The following MAP7 variants were observed in gnomAD, a reference collection of about 807,000 sequenced individuals.
The protein encoded by MAP7 is ensconsin.
MAP7 carries 52 observed loss-of-function variants against 94.8 expected under a neutral mutation model. The ratio of observed to expected loss-of-function variants is 0.55; its 90% confidence interval spans 0.44 to 0.69. MAP7 has a LOEUF of 0.69. Ranked by LOEUF, MAP7 falls within the 30% of genes least tolerant of loss-of-function variation. The probability of loss-of-function intolerance (pLI) is 0.00; values close to 1 mark genes in which losing one functional copy is unlikely to be tolerated. For synonymous variants in MAP7, 350 were observed against 357.0 expected, an observed-to-expected ratio of 0.98 and a Z score of 0.22; for missense variants, 940 against 964.6, an observed-to-expected ratio of 0.97 and a Z score of 0.34.
intron 1 of MAP7, among the ~76,000 whole-genome samples, chr6:136,456,744 A>AAGAAGGAAGAGGAGAAGGAGGAGGAGG (rs1803020781): frequency 1.5e-5 from 1 of 67,354 alleles, no homozygotes; most frequent in African/African-American, 6.4e-5. Context: ...GGAAGAGGAG[A>AAGAAGGAAGAGGAGAAGGAGGAGGAGG]AGGAGGAGGA....
chr6:136,402,244 T>C (rs1205225533), intron 3 of MAP7, among the ~76,000 whole-genome samples: 1 of 152,252 alleles, frequency 6.6e-6, no homozygotes, highest in Non-Finnish European at 1.5e-5. Context: ...TCTGCTTTTA[T>C]GTGTTTGTGA....
chr6:136,346,836 C>T (rs553394464), intron 16 of MAP7, among the ~76,000 whole-genome samples: 1 of 152,228 alleles, frequency 6.6e-6, no homozygotes, highest in Non-Finnish European at 1.5e-5. Flanking sequence ...ATAGTTGAGG[C>T]TAAATGCACG....
intron 11 of MAP7, 67 bp from the exon 12 acceptor site, chr6:136,361,246 C>T (rs1218979176): frequency 3.2e-6 from 5 of 1,551,640 alleles, no homozygotes; most frequent in Non-Finnish European, 3.5e-6. Flanking sequence ...GAGAGGCCTC[C>T]GTCGGTGGTT....
At chr6:136,408,218 G>A (rs1178715359) in intron 3 of MAP7, among the ~76,000 whole-genome samples, 2 of 152,136 alleles carry the variant, frequency 1.3e-5, no homozygotes, top group African/African-American at 2.4e-5. Flanking sequence ...ACTTTTCTAC[G>A]TATAAAGCGT....
chr6:136,470,747 CGT>C (rs1214211747), intron 1 of MAP7, among the ~76,000 whole-genome samples: 2 of 151,468 alleles, frequency 1.3e-5, no homozygotes, highest in Admixed American at 6.6e-5. Flanking sequence ...TGTGCGTTTT[CGT>C]GTGTGTGTGA....
intron 1 of MAP7, among the ~76,000 whole-genome samples, chr6:136,495,794 A>G (rs141047148): frequency 3.2e-4 from 49 of 152,326 alleles, no homozygotes; most frequent in Admixed American, 5.9e-4. Flanking sequence ...AGATTTTGCT[A>G]GGGAAATAAC....
chr6:136,421,195 A>G (rs1582864499), intron 2 of MAP7, among the ~76,000 whole-genome samples: 1 of 152,378 alleles, frequency 6.6e-6, no homozygotes, highest in South Asian at 2.1e-4. Flanking sequence ...GTAGGCATAT[A>G]ATCATTGCAA....
intron 3 of MAP7, among the ~76,000 whole-genome samples, chr6:136,393,542 A>T (rs1296463444): frequency 6.6e-6 from 1 of 152,166 alleles, no homozygotes; most frequent in East Asian, 1.9e-4. Flanking sequence ...CTGTACTCTA[A>T]GGTCTTCCAC....
chr6:136,431,563 G>C (rs1035031750), intron 1 of MAP7, among the ~76,000 whole-genome samples: 8 of 151,450 alleles, frequency 5.3e-5, no homozygotes, highest in Middle Eastern at 6.8e-3. Context: ...TGTCACCCAG[G>C]CTGGAGTGCA....
intron 16 of MAP7, among the ~76,000 whole-genome samples, chr6:136,354,943 G>C (rs1790449769): frequency 6.6e-6 from 1 of 152,150 alleles, no homozygotes; most frequent in Non-Finnish European, 1.5e-5. Context: ...GCTATGGTAG[G>C]CTGGGTGTGA....
At chr6:136,512,836 CTTT>C (rs76348621) in intron 1 of MAP7, among the ~76,000 whole-genome samples, 1 of 136,860 alleles carries the variant, frequency 7.3e-6, no homozygotes, top group East Asian at 2.7e-4. Flanking sequence ...AATTTCTTCC[CTTT>C]TTTTTTTTTT....
chr6:136,499,507 T>A (rs949224382), intron 1 of MAP7, among the ~76,000 whole-genome samples: 9 of 152,040 alleles, frequency 5.9e-5, no homozygotes, highest in Admixed American at 5.2e-4. Flanking sequence ...CTGAAGCCAA[T>A]GCAGAGCCCT....
intron 1 of MAP7, among the ~76,000 whole-genome samples, chr6:136,534,194 A>G (rs1828700520): frequency 6.6e-6 from 1 of 152,226 alleles, no homozygotes. Flanking sequence ...AATATATTGT[A>G]TATAAAGACT....
At chr6:136,360,832 A>G in intron 12 of MAP7, 34 bp from the exon 13 acceptor site, 1 of 1,607,102 alleles carries the variant, frequency 6.2e-7, no homozygotes, top group Non-Finnish European at 8.5e-7. Flanking sequence ...GCCTCTGACA[A>G]ACAGGCGGGC....
chr6:136,356,592 C>G, intron 16 of MAP7, 100 bp downstream of exon 16: 1 of 883,218 alleles, frequency 1.1e-6, no homozygotes, highest in East Asian at 2.6e-5. Flanking sequence ...TGAGGCCCCC[C>G]CCAAATAATA....
intron 1 of MAP7, among the ~76,000 whole-genome samples, chr6:136,474,102 T>TA (rs1810027205): frequency 1.3e-5 from 2 of 152,002 alleles, no homozygotes; most frequent in South Asian, 4.2e-4. Context: ...GAGGGATGAG[T>TA]AAGGGCAAAG....
In MAP7 at chr6:136,360,752, T is replaced by C. The variant is rs781374085; in HGVS notation, c.1748A>G (p.Gln583Arg). ...RVREEAERVR[Q>R]EREKHFQREE... ...TCTCTGGAAATGCTTCTCTCGTTCC[T>C]GCCGGACCCTCTCTGCTTCTTCACG... Residue 583 changes from glutamine (Q) to arginine (R), a missense_variant, in exon 13 of 18, where the codon CAG (glutamine) becomes CGG (arginine). By Grantham distance (43) the Gln-to-Arg change is conservative (BLOSUM62 1). Transcript: ENST00000354570. 22 of 1,614,150 alleles carry C rather than the reference T, an allele frequency of 1.4e-5. 1 individual carries two copies. In the South Asian group the frequency reaches 2.1e-4, roughly 15 times the overall value.
At chr6:136,497,797 C>CAAAAAA (rs1199112585) in intron 1 of MAP7, among the ~76,000 whole-genome samples, 31 of 46,462 alleles carry the variant, frequency 6.7e-4, no homozygotes, top group African/African-American at 1.1e-3. Flanking sequence ...GACTCTGTCA[C>CAAAAAA]AAAAAAAAAA....
chr6:136,388,633 G>C (rs752446852), intron 4 of MAP7, 123 bp from the exon 5 acceptor site: 119 of 744,936 alleles, frequency 1.6e-4, no homozygotes, highest in Non-Finnish European at 2.5e-4. Context: ...TTGATCTCTA[G>C]CTGAACTTCT....
Sources: allele counts gnomAD v4.1 joint callset (sites outside exome capture counted in the v4.1 genomes callset), GRCh38; gene constraint gnomAD v4.1.1; transcripts MANE v1.5; gene names NCBI Gene and HGNC (gene_info 2026-07-23, HGNC 2026-07-21).